Variants in DDX41 observed in about 807,000 individuals in gnomAD.
DDX41 encodes the protein DEAD-box helicase 41.
DDX41 carries 50 observed loss-of-function variants against 78.8 expected under a neutral mutation model. The ratio of observed to expected loss-of-function variants is 0.63; its 90% CI spans 0.51 to 0.80. DDX41 has a LOEUF of 0.80. DDX41 is among the 30% of genes least tolerant of loss of function. DDX41 has a pLI of 0.00. For synonymous variants in DDX41, 381 were observed against 321.5 expected (o/e 1.19, Z -1.98); for missense variants, 633 against 849.2 (o/e 0.75, Z 3.16).
rs753835830 is a variant in DDX41 at position 177,514,899 on chromosome 5, A to C, written c.798+17T>G. 6.2e-7 allele frequency: 1 copy of C among 1,603,530 alleles called. No individual in the cohort carries two copies. Among genetic ancestry groups the C allele is most frequent in the South Asian group, 1.1e-5 (1 of 90,974 alleles). On this transcript the variant is annotated intron_variant, in intron 8 of 16. Transcript: ENST00000330503. The surrounding 1 kb of genome is among the most constrained non-coding windows in gnomAD (Gnocchi z 4.2). ...AGCCCCAATCTCTGGCCTGCCCTCC[A>C]GGCCAGCCTATCTTACCGAGGGGCA...
intron 6 of DDX41, 107 bp downstream of exon 6, chr5:177,515,577 CA>C: frequency 2.2e-6 from 3 of 1,381,798 alleles, no homozygotes; most frequent in Non-Finnish European, 3.0e-6. Context: ...CCTCCAGCCC[CA>C]GTGACTGGAT....
rs531023087 is a variant in DDX41 at position 177,516,824 on chromosome 5, G to A, written c.39C>T (p.Thr13=). 3 of 1,612,662 alleles carry A rather than the reference G, an allele frequency of 1.9e-6. No individual in the cohort carries two copies. Among genetic ancestry groups the A allele is most frequent in the African/African-American group, 2.7e-5 (2 of 75,070 alleles). ...ESEPERKRAR[T]DEVPAGGSRS... ...GGCTTCCTCCGGCAGGCACCTCGTC[G>A]GTGCGAGCCCGCTGCAAGCACACGC... is the stretch of plus-strand genomic sequence containing the variant. Residue 13 remains threonine (T), a synonymous_variant, in exon 2 of 17, where the codon ACC becomes ACT. Transcript: ENST00000330503.
chr5:177,515,385 AGAGT>A, intron 6 of DDX41, 127 bp from the exon 7 acceptor site: 2 of 997,774 alleles, frequency 2.0e-6, no homozygotes, highest in Non-Finnish European at 3.1e-6. Context: ...AGAGAGAGAG[AGAGT>A]GGAAAAAAAA....
In DDX41 at chr5:177,516,794, G is replaced by C. The variant is rs1761258123; in HGVS notation, c.69C>G (p.Ser23=). Residue 23 remains serine (S), a synonymous_variant, in exon 2 of 17, where the codon TCC becomes TCG. Coordinates refer to ENST00000330503, the MANE Select transcript of DDX41 (RefSeq NM_016222.4). ...CCTCGTCGTCCTCATCTTCCGCCTC[G>C]GAGCGGCTTCCTCCGGCAGGCACCT... ...TDEVPAGGSR[S]EAEDEDDEDY... 2 of 1,612,688 alleles carry C rather than the reference G, an allele frequency of 1.2e-6. No individual in the cohort carries two copies. The highest frequency in any genetic ancestry group is 4.5e-5 in the East Asian group (2 of 44,878).
chr5:177,513,060 T>C lies in DDX41; in HGVS notation c.1253A>G (p.Glu418Gly). The change falls in exon 12 of 17, where the codon GAG (glutamate) becomes GGG (glycine). Residue 418 changes from glutamate to glycine, a missense_variant. By Grantham distance (98) the Glu-to-Gly change is moderately conservative (BLOSUM62 -2). This residue lies in a region of DDX41 where 185 missense variants were observed against 367.4 expected (regional missense o/e 0.50). Coordinates refer to ENST00000330503, the MANE Select transcript of DDX41 (RefSeq NM_016222.4). The surrounding 1 kb of genome is among the most constrained non-coding windows in gnomAD (Gnocchi z 4.6). Reference protein sequence around the residue: ...VIQEVEYVKEEAKMVYLLECL... With the variant: ...VIQEVEYVKEGAKMVYLLECL... The stretch of plus-strand genomic sequence containing the variant: ...CTCGAGCAGGTACACCATCTTGGCC[T>C]CCTCCTTCACATATTCTACCTCCTG... The C allele has an allele frequency of 6.2e-7, 1 of 1,613,914 alleles. No individual in the cohort carries two copies. The highest frequency in any genetic ancestry group is 2.2e-5 in the East Asian group (1 of 44,876).
Position 177,516,286 on chromosome 5 carries a change from A to T in DDX41, c.298+2T>A, listed in dbSNP as rs1268046698. The T allele has an allele frequency of 2.5e-6, 4 of 1,614,116 alleles. No homozygotes were observed. The highest frequency in any genetic ancestry group is 3.4e-6 in the Non-Finnish European group (4 of 1,180,018). On this transcript the variant is annotated splice_donor_variant, in intron 3 of 16. Transcript: ENST00000330503. LOFTEE classifies it high-confidence loss of function. ...TCGCCCAGGCAGTGCTGCCCAGCCC[A>T]CCTTCAGCCTTCTCTTTAAGGTGCT... is the stretch of plus-strand genomic sequence containing the variant.
rs752494819 is a variant in DDX41, at chr5:177,516,372, C to T, written c.214G>A (p.Gly72Arg). The T allele has an allele frequency of 3.1e-6, 5 of 1,613,956 alleles. No homozygotes were observed. The highest frequency in any genetic ancestry group is 3.4e-6 in the Non-Finnish European group (4 of 1,180,030). ...EQQDSGSEPR[G>R]DEDDIPLGPQ... ...CCTAGCGGGATGTCGTCCTCATCTCCCCGGGGTTCACTACCGCTGTCCTGC... is the reference window on the plus strand; with the variant it reads ...CCTAGCGGGATGTCGTCCTCATCTCTCCGGGGTTCACTACCGCTGTCCTGC... Residue 72 changes from glycine to arginine, a missense_variant, in exon 3 of 17, where the codon GGA becomes AGA. By Grantham distance (125) the Gly-to-Arg change is moderately radical. This residue lies in a region of DDX41 where 140 missense variants were observed against 115.2 expected (regional missense o/e 1.22). Coordinates refer to ENST00000330503, the MANE Select transcript of DDX41 (RefSeq NM_016222.4).
At position 177,514,929 on chromosome 5, in the gene DDX41, A is replaced by G; in HGVS notation, c.785T>C (p.Ile262Thr). ...AGCCTATCTTACCGAGGGGCAGATG[A>G]TGAGTCCATAGGGCCCCTCGCGCTT... is the stretch of plus-strand genomic sequence containing the variant. Reference protein sequence around the residue: ...FSKREGPYGLIICPSRELARQ... With the variant: ...FSKREGPYGLTICPSRELARQ... The change falls in exon 8 of 17, where the codon ATC becomes ACC. Residue 262 changes from isoleucine to threonine, a missense_variant. Physicochemically the swap from Ile to Thr is moderately conservative, Grantham distance 89 (BLOSUM62 -1). Transcript: ENST00000330503. This position sits in a 1 kb window ranked among gnomAD's most constrained non-coding sequence, Gnocchi z 4.2. 1 of 1,606,534 alleles carries G rather than the reference A, an allele frequency of 6.2e-7. No individual in the cohort carries two copies. The highest frequency in any genetic ancestry group is 8.5e-7 in the Non-Finnish European group (1 of 1,173,914).
At chr5:177,516,660 G>A (rs1189572705) in intron 2 of DDX41, 65 bp downstream of exon 2, 3 of 1,509,624 alleles carry the variant, frequency 2.0e-6, no homozygotes, top group Non-Finnish European at 2.7e-6. Flanking sequence ...GGAGGCCGAG[G>A]CCACGCCCGC....
Position 177,512,733 on chromosome 5 carries a change from C to G in DDX41, c.1399+47G>C, listed in dbSNP as rs762411149. The G allele has an allele frequency of 3.7e-6, 6 of 1,613,126 alleles. No individual in the cohort carries two copies. The South Asian group carries it at 6.6e-5, about 18-fold the overall frequency. On this transcript the variant is annotated intron_variant, in intron 13 of 16. Transcript: ENST00000330503. ...AGGCAGGGGAAGGCATTAGGTAAAG[C>G]ACTGCTACTGCAGCAGGGTCCAAGC...
At position 177,512,516 on chromosome 5, in the gene DDX41, G is replaced by A; in HGVS notation, c.1529C>T (p.Pro510Leu). The A allele has an allele frequency of 6.2e-7, 1 of 1,614,152 alleles. No individual in the cohort carries two copies. Among genetic ancestry groups the A allele is most frequent in the South Asian group, 1.1e-5 (1 of 91,086 alleles). The stretch of plus-strand genomic sequence containing the variant: ...CTTACCATAGTTCTCAATCTCCTCT[G>A]GCATGTCATAATTGATGACGTGCTG... ...AIQHVINYDM[P>L]EEIENYVHRI... The change falls in exon 14 of 17, where the codon CCA becomes CTA. Residue 510 changes from proline to leucine, a missense_variant. Physicochemically the swap from Pro to Leu is moderately conservative, Grantham distance 98 (BLOSUM62 -3). Around this residue, in one of 6 missense-constraint regions of DDX41, gnomAD observed 185 missense variants for 367.4 expected, o/e 0.50. Coordinates refer to ENST00000330503, the MANE Select transcript of DDX41 (RefSeq NM_016222.4).
chr5:177,516,377 G>T lies in DDX41; in HGVS notation c.209C>A (p.Pro70His). 2 of 1,613,942 alleles carry T rather than the reference G, an allele frequency of 1.2e-6. No homozygotes were observed. Among genetic ancestry groups the T allele is most frequent in the East Asian group, 2.2e-5 (1 of 44,870 alleles). The change falls in exon 3 of 17, where the codon CCC (proline) becomes CAC (histidine). Residue 70 changes from proline (P) to histidine (H), a missense_variant. This residue lies in a region of DDX41 where 140 missense variants were observed against 115.2 expected (regional missense o/e 1.22). Transcript: ENST00000330503. ...EEEQQDSGSE[P>H]RGDEDDIPLG... is the part of the protein sequence containing the mutation. Reference sequence around the variant, plus strand: ...CGGGATGTCGTCCTCATCTCCCCGGGGTTCACTACCGCTGTCCTGCTGCTC... The same window carrying T: ...CGGGATGTCGTCCTCATCTCCCCGGTGTTCACTACCGCTGTCCTGCTGCTC...
At position 177,515,829 on chromosome 5, in the gene DDX41, T is replaced by G. The variant is rs375056519; in HGVS notation, c.435-8A>C. The G allele has an allele frequency of 1.2e-6, 2 of 1,614,136 alleles. No homozygotes were observed. Among genetic ancestry groups the G allele is most frequent in the Non-Finnish European group, 8.5e-7 (1 of 1,180,018 alleles). On this transcript the variant is annotated splice_region_variant and splice_polypyrimidine_tract_variant and intron_variant, in intron 5 of 16. Transcript: ENST00000330503. ...TAACGGGGTGGAGTCCAGCTGTGGA[T>G]GGGTAACAGGGATCAAGAGAGCCCT...
intron 16 of DDX41, 83 bp downstream of exon 16, chr5:177,512,013 C>G: frequency 6.2e-7 from 1 of 1,606,414 alleles, no homozygotes; most frequent in Admixed American, 1.7e-5. Context: ...CACCCTCGGT[C>G]CACCGGTTTC....
intron 4 of DDX41, 29 bp from the exon 5 acceptor site, chr5:177,516,018 G>C: frequency 6.2e-7 from 1 of 1,614,130 alleles, no homozygotes; most frequent in South Asian, 1.1e-5. Context: ...CTCAGGGCTG[G>C]CTCCTGCTTC....
intron 6 of DDX41, 127 bp from the exon 7 acceptor site, chr5:177,515,385 A>T (rs1334168866): frequency 3.0e-6 from 3 of 997,768 alleles, no homozygotes; most frequent in South Asian, 2.7e-5. Flanking sequence ...AGAGAGAGAG[A>T]GAGTGGAAAA....
chr5:177,512,719 G>A (rs761075253), intron 13 of DDX41, 61 bp downstream of exon 13: 22 of 1,612,988 alleles, frequency 1.4e-5, no homozygotes, highest in African/African-American at 2.7e-5. Flanking sequence ...GGCAGGGGAA[G>A]GCATTAGGTA....
Position 177,513,476 on chromosome 5 carries a change from T to C in DDX41, c.1107A>G (p.Arg369=). 6.2e-7 allele frequency: 1 copy of C among 1,614,118 alleles called. No individual in the cohort carries two copies. Among genetic ancestry groups the C allele is most frequent in the African/African-American group, 1.3e-5 (1 of 75,042 alleles). Residue 369 remains arginine (R), a synonymous_variant, in exon 11 of 17, where the codon CGA becomes CGG. Coordinates refer to ENST00000330503, the MANE Select transcript of DDX41 (RefSeq NM_016222.4). This position sits in a 1 kb window ranked among gnomAD's most constrained non-coding sequence, Gnocchi z 4.6. The stretch of plus-strand genomic sequence containing the variant: ...TGGTGGCACTGAAGAGCAGGGTCTG[T>C]CGCTGGCCCTGAGGAAGAGGGGGGC... ...RTIFSYFKGQ[R]QTLLFSATMP...
At chr5:177,516,474 T>C (rs1193435581) in intron 2 of DDX41, 27 bp from the exon 3 acceptor site, 2 of 1,611,606 alleles carry the variant, frequency 1.2e-6, no homozygotes, top group South Asian at 1.1e-5. Context: ...GATCCACAGA[T>C]AGGATGGGCA....
Sources: allele counts gnomAD v4.1 joint callset, GRCh38; gene constraint gnomAD v4.1.1; regional missense constraint gnomAD v4.1.1; non-coding constraint Gnocchi (gnomAD v3.1); transcripts MANE v1.5; gene names NCBI Gene and HGNC (gene_info 2026-07-23, HGNC 2026-07-21).